Variants in ATRNL1 observed in about 807,000 individuals in gnomAD.
The protein encoded by ATRNL1 is attractin like 1.
A neutral mutation model predicts 182.7 loss-of-function variants in ATRNL1; 95 were observed. The observed-to-expected ratio is 0.52, with a 90% CI of 0.44 to 0.62. The LOEUF (loss-of-function observed/expected upper bound fraction) is 0.62. Among genes scored for constraint, ATRNL1 ranks in the 20% least tolerant of loss-of-function variants. The pLI, the probability that ATRNL1 is intolerant of heterozygous loss-of-function variation, is 0.00. For missense variants in ATRNL1, 1,471 were observed against 1,679.5 expected (o/e 0.88, Z 2.17); for synonymous variants, 576 against 568.3 (o/e 1.01, Z -0.19).
At chr10:115,308,652 C>A (rs1442146030) in intron 17 of ATRNL1, among the ~76,000 whole-genome samples, 2 of 152,048 alleles carry the variant, frequency 1.3e-5, no homozygotes, top group African/African-American at 4.8e-5. Context: ...CTCCAATTAA[C>A]CATATTTCAT....
At chr10:115,100,576 A>G (rs1317923585) in intron 1 of ATRNL1, among the ~76,000 whole-genome samples, 15 of 152,086 alleles carry the variant, frequency 9.9e-5, no homozygotes, top group African/African-American at 3.6e-4. Flanking sequence ...TTGTGTTTCT[A>G]TTTCTGGACT....
intron 11 of ATRNL1, 40 bp downstream of exon 11, chr10:115,265,317 T>A (rs1554910253): frequency 7.9e-7 from 1 of 1,258,066 alleles, no homozygotes; most frequent in African/African-American, 1.5e-5. Context: ...GGGTCACTTA[T>A]ATCAGTCATA....
intron 28 of ATRNL1, among the ~76,000 whole-genome samples, chr10:115,914,139 C>A (rs1240295934): frequency 6.6e-6 from 1 of 152,144 alleles, no homozygotes; most frequent in Non-Finnish European, 1.5e-5. Context: ...CTCTCTCCTG[C>A]CACCATGTGA....
At chr10:115,709,129 A>G (rs1459712159) in intron 26 of ATRNL1, among the ~76,000 whole-genome samples, 2 of 151,828 alleles carry the variant, frequency 1.3e-5, no homozygotes, top group African/African-American at 4.8e-5. Flanking sequence ...TTAAATGTTC[A>G]GGTCTATTTT....
chr10:115,856,428 C>CAAAAAAAAAAACAAAAAAA (rs1951184330), intron 28 of ATRNL1, among the ~76,000 whole-genome samples: 1 of 22,536 alleles, frequency 4.4e-5, no homozygotes, highest in Non-Finnish European at 8.2e-5. Flanking sequence ...AGCTCCATCT[C>CAAAAAAAAAAACAAAAAAA]AAAAAAAAAA....
intron 26 of ATRNL1, among the ~76,000 whole-genome samples, chr10:115,568,005 G>A (rs1485306737): frequency 6.6e-6 from 1 of 151,964 alleles, no homozygotes; most frequent in African/African-American, 2.4e-5. Flanking sequence ...TCTAATTATT[G>A]TGCTTAGAAT....
At chr10:115,558,391 G>A (rs1853452200) in intron 26 of ATRNL1, among the ~76,000 whole-genome samples, 1 of 152,134 alleles carries the variant, frequency 6.6e-6, no homozygotes, top group Non-Finnish European at 1.5e-5. Flanking sequence ...TCTGGAAGAA[G>A]GTTTTGTCTG....
intron 10 of ATRNL1, among the ~76,000 whole-genome samples, chr10:115,258,261 G>C (rs1249226941): frequency 1.3e-5 from 2 of 151,422 alleles, no homozygotes; most frequent in East Asian, 3.9e-4. Flanking sequence ...ATCAAATGTA[G>C]ATTTGGTCTT....
At chr10:115,854,097 C>T (rs1951121018) in intron 28 of ATRNL1, among the ~76,000 whole-genome samples, 1 of 152,150 alleles carries the variant, frequency 6.6e-6, no homozygotes, top group Non-Finnish European at 1.5e-5. Context: ...CAGAGATAAA[C>T]ATTCAACAAA....
chr10:115,115,400 T>G (rs1223358529), intron 1 of ATRNL1, among the ~76,000 whole-genome samples: 1 of 152,158 alleles, frequency 6.6e-6, no homozygotes, highest in Non-Finnish European at 1.5e-5. Context: ...AGAGTGGATT[T>G]TAAATATTTT....
chr10:115,776,257 TA>T (rs1423490389), intron 27 of ATRNL1, among the ~76,000 whole-genome samples: 3 of 152,196 alleles, frequency 2.0e-5, no homozygotes, highest in African/African-American at 7.2e-5. Flanking sequence ...TCCAATTATA[TA>T]AAGCGTATGT....
rs898957836 is a variant in ATRNL1, at chr10:115,868,028, T to C, written c.4018+20037T>C. Among the ~76,000 whole-genome samples the C allele has an allele frequency of 2.4e-4, 36 of 152,296 alleles. 1 individual carries two copies. The highest frequency in any genetic ancestry group is 8.7e-4 in the African/African-American group (36 of 41,574). ...ATCCATCTGCCTCAGCCTCCCAAAGTGCTGGGATTACAGGCTTAAGCCACC... is the reference window on the plus strand; with the variant it reads ...ATCCATCTGCCTCAGCCTCCCAAAGCGCTGGGATTACAGGCTTAAGCCACC... On this transcript the variant is annotated intron_variant, in intron 28 of 28. Transcript: ENST00000355044.
chr10:115,947,681 T>C lies in ATRNL1; in HGVS notation c.*2902T>C, dbSNP rs1555126271. 3.3e-5 allele frequency: 5 copies of C among 152,482 alleles called. No homozygotes were observed. The highest frequency in any genetic ancestry group is 1.2e-4 in the African/African-American group (5 of 41,450). 9.4% of individuals were successfully genotyped at this position (152,482 alleles called of 1,614,324 possible). A position where few individuals can be genotyped will look rare whatever the true frequency, so the allele number is the denominator to read the frequency against. Reference sequence around the variant, plus strand: ...TTAAAAAGGTAATTGATCCTTGCTGTACTTCCCAACATCTCATCTTCTTTT... The same window carrying C: ...TTAAAAAGGTAATTGATCCTTGCTGCACTTCCCAACATCTCATCTTCTTTT... On this transcript the variant is annotated 3_prime_UTR_variant, in exon 29 of 29. Transcript: ENST00000355044.
intron 25 of ATRNL1, among the ~76,000 whole-genome samples, chr10:115,532,351 T>C (rs1554988583): frequency 1.3e-5 from 2 of 152,290 alleles, no homozygotes; most frequent in South Asian, 2.1e-4. Flanking sequence ...TCACATCCCT[T>C]GTAAGTTGGA....
At chr10:115,491,222 C>G (rs1554976502) in intron 24 of ATRNL1, among the ~76,000 whole-genome samples, 1 of 152,096 alleles carries the variant, frequency 6.6e-6, no homozygotes, top group South Asian at 2.1e-4. Context: ...CAGGGACCCA[C>G]TTGAGGACCC....
At chr10:115,306,347 C>T (rs943006615) in intron 17 of ATRNL1, among the ~76,000 whole-genome samples, 1 of 152,110 alleles carries the variant, frequency 6.6e-6, no homozygotes, top group Non-Finnish European at 1.5e-5. Flanking sequence ...CTTTAGCACT[C>T]AGTGTTGTGG....
intron 28 of ATRNL1, among the ~76,000 whole-genome samples, chr10:115,891,737 T>A (rs1001471485): frequency 5.9e-5 from 9 of 152,170 alleles, no homozygotes; most frequent in Non-Finnish European, 1.2e-4. Context: ...AAAGGGTAGC[T>A]TTAGTTTTCT....
At chr10:115,376,786 A>T (rs1481009471) in intron 19 of ATRNL1, among the ~76,000 whole-genome samples, 1 of 152,218 alleles carries the variant, frequency 6.6e-6, no homozygotes, top group African/African-American at 2.4e-5. Context: ...GTTTTCAGCC[A>T]GTATTTCTAT....
chr10:115,644,765 G>T (rs1030753080), intron 26 of ATRNL1, among the ~76,000 whole-genome samples: 41 of 152,108 alleles, frequency 2.7e-4, no homozygotes, highest in Non-Finnish European at 4.9e-4. Context: ...ATACATACTT[G>T]GGATTTTGCA....
Sources: allele counts gnomAD v4.1 joint callset (sites outside exome capture counted in the v4.1 genomes callset), GRCh38; gene constraint gnomAD v4.1.1; transcripts MANE v1.5; gene names NCBI Gene and HGNC (gene_info 2026-07-23, HGNC 2026-07-21).